Variants in TOLLIP observed in about 807,000 individuals in gnomAD.
TOLLIP encodes the protein toll-interacting protein.
TOLLIP carries 16 observed loss-of-function variants against 33.5 expected under a neutral mutation model. The ratio of observed to expected loss-of-function variants is 0.48; its 90% CI spans 0.32 to 0.72. The LOEUF (loss-of-function observed/expected upper bound fraction) is 0.72. TOLLIP is among the 30% of genes least tolerant of loss of function. TOLLIP has a pLI of 0.03. For missense variants in TOLLIP, 325 were observed against 396.6 expected, an observed-to-expected ratio of 0.82 and a Z score of 1.53; for synonymous variants, 176 against 163.7, an observed-to-expected ratio of 1.07 and a Z score of -0.57.
At chr11:1,295,876 C>T (rs1000128779) in intron 1 of TOLLIP, 82 bp from the exon 2 acceptor site, 32 of 1,462,018 alleles carry the variant, frequency 2.2e-5, no homozygotes, top group South Asian at 2.7e-5. Context: ...CCGGCATTCC[C>T]GCGGCCCCGC....
At chr11:1,306,700 G>A (rs1864431479) in intron 1 of TOLLIP, among the ~76,000 whole-genome samples, 1 of 152,002 alleles carries the variant, frequency 6.6e-6, no homozygotes, top group Non-Finnish European at 1.5e-5. Context: ...GCCCTGCCTT[G>A]CGTGTGCCAG....
Position 1,288,771 on chromosome 11 carries a change from G to C in TOLLIP, c.372C>G (p.Ala124=). The C allele has an allele frequency of 6.2e-7, 1 of 1,611,916 alleles. No homozygotes were observed. Among genetic ancestry groups the C allele is most frequent in the Non-Finnish European group, 8.5e-7 (1 of 1,179,338 alleles). ...AGGCAATGCGGTCGTCCATGGAGAA[G>C]GCTCTCTGCGGGAGACAAGAGGGAG... The part of the protein sequence containing the change: ...SFYLEIFDER[A]FSMDDRIAWT... Residue 124 remains alanine, a synonymous_variant, in exon 4 of 6, where the codon GCC becomes GCG. Transcript: ENST00000317204.
intron 4 of TOLLIP, 102 bp from the exon 5 acceptor site, chr11:1,286,194 G>A: frequency 1.2e-6 from 1 of 865,470 alleles, no homozygotes; most frequent in South Asian, 1.6e-5. Context: ...CGCCAGCCCA[G>A]AATCGCCCTC....
intron 5 of TOLLIP, among the ~76,000 whole-genome samples, chr11:1,280,651 T>C (rs1863465800): frequency 6.6e-6 from 1 of 152,002 alleles, no homozygotes; most frequent in Admixed American, 6.6e-5. Flanking sequence ...GTGCTGCCTA[T>C]GCGGGCCAGG....
chr11:1,290,216 G>A lies in TOLLIP; in HGVS notation c.366+11C>T, dbSNP rs753207564. ...GTGCAGCCTCCATAATAGCTGGCAC[G>A]TCCCTCTCACCTCATCGAAGATCTC... is the stretch of plus-strand genomic sequence containing the variant. On this transcript the variant is annotated intron_variant, in intron 3 of 5. Coordinates refer to ENST00000317204, the MANE Select transcript of TOLLIP (RefSeq NM_019009.4). The surrounding 1 kb of genome is among the most constrained non-coding windows in gnomAD (Gnocchi z 4.9). The A allele has an allele frequency of 4.3e-6, 7 of 1,610,030 alleles. No homozygotes were observed. Among genetic ancestry groups the A allele is most frequent in the Middle Eastern group, 1.6e-4 (1 of 6,076 alleles).
Position 1,309,554 on chromosome 11 carries a change from T to A in TOLLIP, c.-56A>T. 8.7e-7 allele frequency: 1 copy of A among 1,148,324 alleles called. No homozygotes were observed. Among genetic ancestry groups the A allele is most frequent in the Non-Finnish European group, 1.1e-6 (1 of 899,874 alleles). 71.1% of individuals were successfully genotyped at this position (1,148,324 alleles called of 1,614,324 possible). A position where few individuals can be genotyped will look rare whatever the true frequency, so the allele number is the denominator to read the frequency against. ...CCCGACAGTGACGCGCCGGGCGACCTCCTGCGCCCCCGCCGGAGCCTGCGA... is the reference window on the plus strand; with the variant it reads ...CCCGACAGTGACGCGCCGGGCGACCACCTGCGCCCCCGCCGGAGCCTGCGA... On this transcript the variant is annotated 5_prime_UTR_variant, in exon 1 of 6. Coordinates refer to ENST00000317204, the MANE Select transcript of TOLLIP (RefSeq NM_019009.4).
intron 1 of TOLLIP, among the ~76,000 whole-genome samples, chr11:1,307,855 A>T (rs1338360183): frequency 4.6e-5 from 7 of 152,204 alleles, no homozygotes; most frequent in Non-Finnish European, 8.8e-5. Flanking sequence ...TCCTCAGAAA[A>T]AGCAGCTATG....
intron 1 of TOLLIP, among the ~76,000 whole-genome samples, chr11:1,297,641 G>A (rs771630136): frequency 7.9e-5 from 12 of 152,268 alleles, no homozygotes; most frequent in African/African-American, 2.4e-4. Flanking sequence ...GAGAGAAGCC[G>A]TACTGCGAGA....
chr11:1,291,673 C>A (rs539957480), intron 2 of TOLLIP, among the ~76,000 whole-genome samples: 2 of 150,796 alleles, frequency 1.3e-5, no homozygotes, highest in Non-Finnish European at 3.0e-5. Context: ...TCCTCGCTGA[C>A]CCCCCGCTGA....
At chr11:1,282,677 G>C (rs1863541439) in intron 5 of TOLLIP, among the ~76,000 whole-genome samples, 1 of 149,584 alleles carries the variant, frequency 6.7e-6, no homozygotes, top group South Asian at 2.1e-4. Context: ...AATACCTAAT[G>C]TTAAATGACG....
At chr11:1,286,725 C>A (rs1236155103) in intron 4 of TOLLIP, among the ~76,000 whole-genome samples, 7 of 152,138 alleles carry the variant, frequency 4.6e-5, no homozygotes, top group Admixed American at 3.9e-4. Flanking sequence ...GGATAAGTCA[C>A]TGCACTGCTG....
chr11:1,279,550 T>C (rs1446369143), intron 5 of TOLLIP, among the ~76,000 whole-genome samples: 1 of 152,192 alleles, frequency 6.6e-6, no homozygotes, highest in Non-Finnish European at 1.5e-5. Flanking sequence ...AGAGCCCACC[T>C]GTAGCGGCCC....
intron 5 of TOLLIP, among the ~76,000 whole-genome samples, chr11:1,285,280 CGA>C (rs1386595348): frequency 6.6e-6 from 1 of 152,216 alleles, no homozygotes; most frequent in East Asian, 1.9e-4. Context: ...CTCCCCAGAA[CGA>C]GAGAGGCCAC....
chr11:1,292,868 C>G (rs1005954484), intron 2 of TOLLIP, among the ~76,000 whole-genome samples: 2 of 152,234 alleles, frequency 1.3e-5, no homozygotes, highest in African/African-American at 4.8e-5. Flanking sequence ...GCTGCAGGAT[C>G]TGGAGGAAGA....
intron 1 of TOLLIP, among the ~76,000 whole-genome samples, chr11:1,304,900 T>C (rs1007663283): frequency 1.3e-5 from 2 of 152,266 alleles, no homozygotes; most frequent in Admixed American, 6.5e-5. Context: ...ACTAGAAAGA[T>C]GAAACTAGCG....
intron 2 of TOLLIP, among the ~76,000 whole-genome samples, chr11:1,292,547 G>A (rs928792543): frequency 2.6e-5 from 4 of 152,208 alleles, no homozygotes; most frequent in Non-Finnish European, 4.4e-5. Flanking sequence ...TAGGATGAGC[G>A]TCCTGTGACA....
In TOLLIP at chr11:1,277,209, G is replaced by A. The variant is rs1335754207; in HGVS notation, c.655C>T (p.Pro219Ser). Residue 219 changes from proline (P) to serine (S), a missense_variant, in exon 6 of 6, where the codon CCC becomes TCC. Physicochemically the swap from Pro to Ser is moderately conservative, Grantham distance 74. Coordinates refer to ENST00000317204, the MANE Select transcript of TOLLIP (RefSeq NM_019009.4). This position sits in a 1 kb window ranked among gnomAD's most constrained non-coding sequence, Gnocchi z 4.2. ...GGCTGGGCGTTCACGGCGGCCGGGGGCAGGGCCACGGGCACCATGCCGGGG... is the reference window on the plus strand; with the variant it reads ...GGCTGGGCGTTCACGGCGGCCGGGGACAGGGCCACGGGCACCATGCCGGGG... ...CSPGMVPVAL[P>S]PAAVNAQPRC... 4 of 1,593,922 alleles carry A rather than the reference G, an allele frequency of 2.5e-6. 1 individual carries two copies. The South Asian group carries it at 3.3e-5, about 13-fold the overall frequency.
chr11:1,284,657 G>A (rs1359367914), intron 5 of TOLLIP, among the ~76,000 whole-genome samples: 1 of 152,162 alleles, frequency 6.6e-6, no homozygotes, highest in East Asian at 1.9e-4. Flanking sequence ...CCCCAGGCTG[G>A]TGGTTTTCTA....
chr11:1,302,106 T>G (rs1430326316), intron 1 of TOLLIP, among the ~76,000 whole-genome samples: 2 of 152,240 alleles, frequency 1.3e-5, no homozygotes, highest in Non-Finnish European at 2.9e-5. Context: ...GCCACTGTCC[T>G]ACAGGGGATG....
Sources: gnomAD v4.1 joint callset for allele counts (sites outside exome capture counted in the v4.1 genomes callset) on GRCh38, gnomAD v4.1.1 for gene constraint, Gnocchi (gnomAD v3.1) non-coding constraint, MANE v1.5 for transcripts, NCBI Gene and HGNC (gene_info 2026-07-23, HGNC 2026-07-21) for gene names.